The following KCNIP4 variants were observed in gnomAD, a reference collection of about 807,000 sequenced individuals.
KCNIP4 encodes the protein potassium voltage-gated channel interacting protein 4.
Under a neutral mutation model 34.0 loss-of-function variants are expected in KCNIP4, and 12 were observed. That is an observed-to-expected ratio of 0.35 (90% confidence interval 0.23 to 0.57). The LOEUF is 0.57. Among genes scored for constraint, KCNIP4 ranks in the 20% least tolerant of loss-of-function variants. The pLI, the probability that KCNIP4 is intolerant of heterozygous loss-of-function variation, is 0.83. For missense variants in KCNIP4, 238 were observed against 311.7 expected, an observed-to-expected ratio of 0.76 and a Z score of 1.78; for synonymous variants, 124 against 102.2, an observed-to-expected ratio of 1.21 and a Z score of -1.29.
At chr4:21,857,596 C>T (rs1724839140) in intron 1 of KCNIP4, among the ~76,000 whole-genome samples, 1 of 152,096 alleles carries the variant, frequency 6.6e-6, no homozygotes, top group Non-Finnish European at 1.5e-5. Context: ...GACAGCTGAA[C>T]ACTCGTCAGG....
At chr4:20,985,350 A>G (rs62293765) in intron 1 of KCNIP4, among the ~76,000 whole-genome samples, 37 of 152,310 alleles carry the variant, frequency 2.4e-4, no homozygotes, top group Non-Finnish European at 4.6e-4. Flanking sequence ...AGCACTTACT[A>G]TGTGCTCATC....
chr4:20,865,066 T>G (rs1722731676), intron 2 of KCNIP4, among the ~76,000 whole-genome samples: 1 of 152,102 alleles, frequency 6.6e-6, no homozygotes, highest in Non-Finnish European at 1.5e-5. Flanking sequence ...CTGAGCAATG[T>G]GATATTCTGT....
chr4:20,934,495 T>C lies in KCNIP4; in HGVS notation c.62-51786A>G, dbSNP rs151198550. Among the ~76,000 whole-genome samples the C allele has an allele frequency of 4.2e-3, 643 of 152,320 alleles. 6 individuals are homozygous for C. Among genetic ancestry groups the C allele is most frequent in the African/African-American group, 0.014 (585 of 41,580 alleles). Reference sequence around the variant, plus strand: ...TTTCCTCTTTCAAATCCTTGGCAACTTTTTGCCTATCTGTTTTTGGGCTTC... The same window carrying C: ...TTTCCTCTTTCAAATCCTTGGCAACCTTTTGCCTATCTGTTTTTGGGCTTC... On this transcript the variant is annotated intron_variant, in intron 1 of 8. Transcript: ENST00000382152.
intron 3 of KCNIP4, among the ~76,000 whole-genome samples, chr4:20,844,552 T>A (rs556850104): frequency 6.6e-6 from 1 of 152,282 alleles, no homozygotes; most frequent in South Asian, 2.1e-4. Flanking sequence ...CGTTCAAGAA[T>A]AACCCTGAGG....
intron 1 of KCNIP4, among the ~76,000 whole-genome samples, chr4:21,265,956 G>A (rs1360198638): frequency 6.6e-6 from 1 of 152,190 alleles, no homozygotes; most frequent in African/African-American, 2.4e-5. Context: ...ACAATTTCTT[G>A]AGCACTTGCT....
At chr4:21,159,296 T>A (rs1217839550) in intron 1 of KCNIP4, among the ~76,000 whole-genome samples, 1 of 152,204 alleles carries the variant, frequency 6.6e-6, no homozygotes, top group East Asian at 1.9e-4. Context: ...AATGGACCCA[T>A]GAATATGTAG....
chr4:20,761,285 A>G (rs1754934858), intron 3 of KCNIP4, among the ~76,000 whole-genome samples: 1 of 152,184 alleles, frequency 6.6e-6, no homozygotes. Flanking sequence ...CAATATCTTA[A>G]TAAGTCTCTT....
At chr4:21,241,717 T>G (rs994001052) in intron 1 of KCNIP4, among the ~76,000 whole-genome samples, 2 of 152,196 alleles carry the variant, frequency 1.3e-5, no homozygotes, top group Admixed American at 6.5e-5. Context: ...AGTTTTCTTT[T>G]GTTTAAAGCT....
At chr4:21,143,988 G>A (rs941213178) in intron 1 of KCNIP4, among the ~76,000 whole-genome samples, 16 of 152,188 alleles carry the variant, frequency 1.1e-4, no homozygotes, top group South Asian at 8.3e-4. Context: ...GATTACAGGC[G>A]TGAGCCACCG....
intron 1 of KCNIP4, among the ~76,000 whole-genome samples, chr4:21,644,800 T>C (rs2109243338): frequency 6.6e-6 from 1 of 152,294 alleles, no homozygotes; most frequent in Non-Finnish European, 1.5e-5. Context: ...TAGAAGGCTT[T>C]GTTAATTTAT....
chr4:20,775,536 T>TAA (rs4054941), intron 3 of KCNIP4, among the ~76,000 whole-genome samples: 2 of 126,860 alleles, frequency 1.6e-5, no homozygotes, highest in African/African-American at 6.0e-5. Flanking sequence ...CTCAGTTTCT[T>TAA]AAAAAAAAAA....
chr4:21,685,093 A>T (rs1750705514), intron 1 of KCNIP4, among the ~76,000 whole-genome samples: 1 of 152,206 alleles, frequency 6.6e-6, no homozygotes, highest in Admixed American at 6.5e-5. Context: ...ATTAATGTAT[A>T]ATTTTATCAT....
At chr4:21,521,724 A>G (rs1735543764) in intron 1 of KCNIP4, among the ~76,000 whole-genome samples, 1 of 152,074 alleles carries the variant, frequency 6.6e-6, no homozygotes, top group Non-Finnish European at 1.5e-5. Context: ...TGGACTACTG[A>G]AATGCCTTCC....
intron 1 of KCNIP4, among the ~76,000 whole-genome samples, chr4:21,151,695 G>T (rs1189900935): frequency 6.6e-6 from 1 of 151,890 alleles, no homozygotes; most frequent in Non-Finnish European, 1.5e-5. Flanking sequence ...TAATTTTGAG[G>T]GGCACGATTC....
In KCNIP4 at chr4:21,629,849, C is replaced by CT. The variant is rs5856652; in HGVS notation, c.61+318721dup. Among the ~76,000 whole-genome samples the CT allele has an allele frequency of 8.7e-3, 767 of 87,744 alleles. 23 individuals are homozygous for CT. The highest frequency in any genetic ancestry group is 0.024 in the Middle Eastern group (2 of 84). 57.6% of individuals were successfully genotyped at this position (87,744 alleles called of 152,430 possible). A position where few individuals can be genotyped will look rare whatever the true frequency, so the allele number is the denominator to read the frequency against. ...ACCATATTTCCTTTTCTTTTTCTTT[C>CT]TTTTTTTTTTTTTTTTTTTGAGACA... On this transcript the variant is annotated intron_variant, in intron 1 of 8. Transcript: ENST00000382152.
intron 1 of KCNIP4, among the ~76,000 whole-genome samples, chr4:21,086,941 T>C (rs1746491426): frequency 6.7e-6 from 1 of 148,916 alleles, no homozygotes; most frequent in Non-Finnish European, 1.5e-5. Context: ...CTTTCTTTCT[T>C]TCTCCCTCCC....
chr4:20,888,222 T>C (rs959142246), intron 1 of KCNIP4, among the ~76,000 whole-genome samples: 1 of 152,052 alleles, frequency 6.6e-6, no homozygotes, highest in African/African-American at 2.4e-5. Context: ...ATACATAAGA[T>C]AGTAAATGTA....
At chr4:20,740,709 A>G (rs1373969629) in intron 5 of KCNIP4, among the ~76,000 whole-genome samples, 1 of 152,234 alleles carries the variant, frequency 6.6e-6, no homozygotes, top group Admixed American at 6.5e-5. Flanking sequence ...GACAGGATCA[A>G]ATTCACACAT....
intron 1 of KCNIP4, among the ~76,000 whole-genome samples, chr4:21,800,817 A>ATAGCAT (rs1382750627): frequency 2.6e-5 from 4 of 152,224 alleles, no homozygotes; most frequent in African/African-American, 9.6e-5. Context: ...ACTGCCAAAC[A>ATAGCAT]TAGCATGTAA....
Sources: allele counts gnomAD v4.1 joint callset (sites outside exome capture counted in the v4.1 genomes callset), GRCh38; gene constraint gnomAD v4.1.1; transcripts MANE v1.5; gene names NCBI Gene and HGNC (gene_info 2026-07-23, HGNC 2026-07-21).